LCLAT1: variants seen among roughly 807,000 people sequenced by gnomAD.
The protein encoded by LCLAT1 is 1-AGP acyltransferase 8.
LCLAT1 carries 11 observed loss-of-function variants against 30.7 expected under a neutral mutation model. The observed-to-expected ratio is 0.36, with a 90% CI of 0.23 to 0.59. LCLAT1 has a LOEUF of 0.59. Among genes scored for constraint, LCLAT1 ranks in the 20% least tolerant of loss-of-function variants. The pLI, the probability that LCLAT1 is intolerant of heterozygous loss-of-function variation, is 0.77. For synonymous variants in LCLAT1, 155 were observed against 151.3 expected (o/e 1.02, Z -0.18); for missense variants, 402 against 458.6 (o/e 0.88, Z 1.13).
chr2:30,530,564 T>G (rs985406134), intron 2 of LCLAT1, among the ~76,000 whole-genome samples: 3 of 152,164 alleles, frequency 2.0e-5, no homozygotes, highest in Non-Finnish European at 2.9e-5. Flanking sequence ...TGTTGTTGCT[T>G]TTTTGGAGAC....
At chr2:30,513,419 G>A (rs72856654) in intron 1 of LCLAT1, among the ~76,000 whole-genome samples, 2,080 of 152,166 alleles carry the variant, frequency 0.014, 35 homozygotes, top group African/African-American at 0.047. Flanking sequence ...AGTAAAAAAT[G>A]CAAGAAGTGC....
intron 5 of LCLAT1, among the ~76,000 whole-genome samples, chr2:30,611,096 T>C (rs1276370574): frequency 5.9e-5 from 9 of 151,970 alleles, no homozygotes; most frequent in African/African-American, 1.2e-4. Context: ...TTTTTTTTTT[T>C]TCCTATCAGT....
chr2:30,633,807 C>T (rs1043605011), intron 5 of LCLAT1, among the ~76,000 whole-genome samples: 11 of 152,156 alleles, frequency 7.2e-5, no homozygotes, highest in Admixed American at 5.9e-4. Context: ...TTGTGTTATT[C>T]TGTCATTGAA....
At position 30,618,599 on chromosome 2, in the gene LCLAT1, T is replaced by A. The variant is rs563926337; in HGVS notation, c.629-21518T>A. On this transcript the variant is annotated intron_variant, in intron 5 of 5. Coordinates refer to ENST00000379509, the MANE Select transcript of LCLAT1 (RefSeq NM_001002257.3). ...GGTGGGAGGAGGGAGAAGAGATAAC[T>A]ATTGGGTACTGGACTTAATAACTGG... Among the ~76,000 whole-genome samples the A allele has an allele frequency of 7.2e-5, 11 of 152,272 alleles. No individual in the cohort carries two copies. In the South Asian group the frequency reaches 2.3e-3, roughly 32 times the overall value.
At chr2:30,490,049 C>T (rs762183622) in intron 1 of LCLAT1, among the ~76,000 whole-genome samples, 5 of 152,108 alleles carry the variant, frequency 3.3e-5, no homozygotes, top group Admixed American at 6.5e-5. Flanking sequence ...TTTTCACAAC[C>T]CCTTGGTGTG....
chr2:30,453,330 C>T (rs1224265550), intron 1 of LCLAT1, among the ~76,000 whole-genome samples: 1 of 152,094 alleles, frequency 6.6e-6, no homozygotes, highest in Non-Finnish European at 1.5e-5. Flanking sequence ...GGAGTGTGGA[C>T]TGAGGGGATT....
Position 30,640,418 on chromosome 2 carries a change from C to A in LCLAT1, c.930C>A (p.Leu310=). 6.2e-7 allele frequency: 1 copy of A among 1,614,178 alleles called. No individual in the cohort carries two copies. Among genetic ancestry groups the A allele is most frequent in the Non-Finnish European group, 8.5e-7 (1 of 1,180,028 alleles). Residue 310 remains leucine, a synonymous_variant, in exon 6 of 6, where the codon CTC becomes CTA. Transcript: ENST00000379509. ...TCAGGGTCCTTGTGGTCAAATTGCT[C>A]TCTATACTGTATTGGACCCTGTTCA... ...SELRVLVVKL[L]SILYWTLFSP...
intron 5 of LCLAT1, among the ~76,000 whole-genome samples, chr2:30,612,656 A>G (rs1272130376): frequency 6.6e-6 from 1 of 152,178 alleles, no homozygotes; most frequent in Non-Finnish European, 1.5e-5. Context: ...TCATGTCCAG[A>G]ACAGAAGCAC....
intron 5 of LCLAT1, among the ~76,000 whole-genome samples, chr2:30,626,024 A>G (rs1480527865): frequency 2.0e-5 from 3 of 152,210 alleles, no homozygotes; most frequent in Non-Finnish European, 4.4e-5. Flanking sequence ...TGTGACTGGC[A>G]CCGTGAGTGC....
intron 3 of LCLAT1, among the ~76,000 whole-genome samples, chr2:30,558,353 A>G (rs1188955348): frequency 6.6e-6 from 1 of 152,170 alleles, no homozygotes; most frequent in Non-Finnish European, 1.5e-5. Context: ...TAATCCCAGC[A>G]CTTTGGGAGG....
intron 5 of LCLAT1, among the ~76,000 whole-genome samples, chr2:30,580,196 A>C (rs72858973): frequency 0.013 from 2,032 of 152,258 alleles, 36 homozygotes; most frequent in African/African-American, 0.046. Context: ...TAAACAAATA[A>C]ATCTTGTCTT....
At chr2:30,549,252 A>G (rs1664568053) in intron 3 of LCLAT1, among the ~76,000 whole-genome samples, 1 of 152,164 alleles carries the variant, frequency 6.6e-6, no homozygotes, top group Admixed American at 6.5e-5. Context: ...GCAATTGGTT[A>G]CCTAAATTGG....
Position 30,641,906 on chromosome 2 carries a change from T to TC in LCLAT1, c.*1287_*1288insC, listed in dbSNP as rs1669332561. ...TGCACACTTTTTTTTCTTTTTTTTT[T>TC]TCTTTTTTTTTTTGTCGTGTAAGAA... On this transcript the variant is annotated 3_prime_UTR_variant, in exon 6 of 6. Transcript: ENST00000379509. 1 of 86,080 alleles carries TC rather than the reference T, an allele frequency of 1.2e-5. No individual in the cohort carries two copies. The highest frequency in any genetic ancestry group is 3.9e-5 in the African/African-American group (1 of 25,472). The allele number at this position is 86,080 out of a possible 1,614,324, so 5.3% of individuals were successfully genotyped here.
rs1324928036 is a variant in LCLAT1 at position 30,568,178 on chromosome 2, T to G, written c.628+2T>G. 6.7e-7 allele frequency: 1 copy of G among 1,493,516 alleles called. No individual in the cohort carries two copies. The allele number at this position is 1,493,516 out of a possible 1,614,324, so 92.5% of individuals were successfully genotyped here. ...TTGTGGTAGACCGTCTAAGAGAAGGTAAGCACCCATTTCAAAATGTACTTT... is the reference window on the plus strand; with the variant it reads ...TTGTGGTAGACCGTCTAAGAGAAGGGAAGCACCCATTTCAAAATGTACTTT... On this transcript the variant is annotated splice_donor_variant, in intron 5 of 5. Transcript: ENST00000379509. LOFTEE classifies it high-confidence loss of function.
chr2:30,463,986 A>C (rs180968224), intron 1 of LCLAT1, among the ~76,000 whole-genome samples: 1 of 152,216 alleles, frequency 6.6e-6, no homozygotes, highest in Non-Finnish European at 1.5e-5. Context: ...GATTAGAATG[A>C]AATTATTGTG....
rs181777731 is a variant in LCLAT1 at position 30,579,361 on chromosome 2, G to A, written c.628+11185G>A. Among the ~76,000 whole-genome samples the A allele has an allele frequency of 1.7e-3, 256 of 152,158 alleles. 1 individual carries two copies. The highest frequency in any genetic ancestry group is 6.0e-3 in the African/African-American group (249 of 41,516). The stretch of plus-strand genomic sequence containing the variant: ...GTATTTTTAAGAAAATGTCTTTGTC[G>A]TAAATGCATATAATCTGAATCTTCT... On this transcript the variant is annotated intron_variant, in intron 5 of 5. Transcript: ENST00000379509.
At chr2:30,501,422 G>A (rs1318908060) in intron 1 of LCLAT1, among the ~76,000 whole-genome samples, 1 of 152,096 alleles carries the variant, frequency 6.6e-6, no homozygotes, top group Non-Finnish European at 1.5e-5. Flanking sequence ...TATAGATTTT[G>A]TAAAGAATAT....
At chr2:30,623,193 A>G (rs986269959) in intron 5 of LCLAT1, among the ~76,000 whole-genome samples, 2 of 151,636 alleles carry the variant, frequency 1.3e-5, no homozygotes, top group Non-Finnish European at 2.9e-5. Context: ...AGCTGGGACT[A>G]CAGGCGCCTG....
At position 30,643,704 on chromosome 2, in the gene LCLAT1, G is replaced by A. The variant is rs1558579445; in HGVS notation, c.*3085G>A. ...TTTACAATAAAGACTCCAACGGAGG[G>A]AGCCTGTTGGTGTTAAATTGTTTAC... On this transcript the variant is annotated 3_prime_UTR_variant, in exon 6 of 6. Coordinates refer to ENST00000379509, the MANE Select transcript of LCLAT1 (RefSeq NM_001002257.3). The A allele has an allele frequency of 6.6e-6, 1 of 152,634 alleles. No homozygotes were observed. The highest frequency in any genetic ancestry group is 1.5e-5 in the Non-Finnish European group (1 of 68,040). The allele number at this position is 152,634 out of a possible 1,614,324, so 9.5% of individuals were successfully genotyped here.
Sources: gnomAD v4.1 joint callset for allele counts (sites outside exome capture counted in the v4.1 genomes callset) on GRCh38, gnomAD v4.1.1 for gene constraint, MANE v1.5 for transcripts, NCBI Gene and HGNC (gene_info 2026-07-23, HGNC 2026-07-21) for gene names.